IQSEC3: variants seen among roughly 807,000 people sequenced by gnomAD.
IQSEC3 encodes the protein IQ motif and SEC7 domain-containing protein 3.
A neutral mutation model predicts 105.4 loss-of-function variants in IQSEC3; 50 were observed. The observed-to-expected ratio is 0.47, with a 90% CI of 0.38 to 0.60. The LOEUF is 0.60. Among genes scored for constraint, IQSEC3 ranks in the 20% least tolerant of loss-of-function variants. IQSEC3 has a pLI of 0.00. For missense variants in IQSEC3, 1,415 were observed against 1,630.0 expected, an observed-to-expected ratio of 0.87 and a Z score of 2.27; for synonymous variants, 708 against 746.0, an observed-to-expected ratio of 0.95 and a Z score of 0.83.
At chr12:104,567 A>C (rs146612585) in intron 2 of IQSEC3, among the ~76,000 whole-genome samples, 15 of 151,906 alleles carry the variant, frequency 9.9e-5, no homozygotes, top group African/African-American at 3.6e-4. Context: ...TTTAAAAAAA[A>C]AAGATTTTGT....
At chr12:94,060 C>A (rs1445672129) in intron 1 of IQSEC3, among the ~76,000 whole-genome samples, 2 of 152,238 alleles carry the variant, frequency 1.3e-5, no homozygotes, top group Admixed American at 6.5e-5. Context: ...CTCAGATATT[C>A]TTTTATAGCA....
intron 1 of IQSEC3, among the ~76,000 whole-genome samples, chr12:70,434 A>G (rs1466473966): frequency 6.6e-6 from 1 of 152,276 alleles, no homozygotes; most frequent in Non-Finnish European, 1.5e-5. Flanking sequence ...GATATTATGG[A>G]AGAAAAACAT....
chr12:100,425 A>G (rs1388516968), intron 2 of IQSEC3, among the ~76,000 whole-genome samples: 1 of 152,246 alleles, frequency 6.6e-6, no homozygotes, highest in Admixed American at 6.5e-5. Flanking sequence ...CTGGAAAATA[A>G]CTGGACAGTG....
chr12:79,390 A>T (rs1184152809), intron 1 of IQSEC3, among the ~76,000 whole-genome samples: 9 of 152,132 alleles, frequency 5.9e-5, no homozygotes, highest in African/African-American at 2.2e-4. Context: ...GTGGCTTTTA[A>T]CATACACACA....
chr12:79,157 G>A (rs1260122802), intron 1 of IQSEC3, among the ~76,000 whole-genome samples: 23 of 152,112 alleles, frequency 1.5e-4, no homozygotes, highest in Admixed American at 4.6e-4. Context: ...AGAACACAGA[G>A]GGAGCTGGGA....
At chr12:124,629 T>C (rs369631762) in intron 2 of IQSEC3, among the ~76,000 whole-genome samples, 1 of 152,132 alleles carries the variant, frequency 6.6e-6, no homozygotes, top group African/African-American at 2.4e-5. Flanking sequence ...ACGATGACTC[T>C]CCTCCTCTGG....
At chr12:131,157 C>A (rs1555085007) in intron 3 of IQSEC3, among the ~76,000 whole-genome samples, 2 of 152,132 alleles carry the variant, frequency 1.3e-5, no homozygotes, top group Non-Finnish European at 2.9e-5. Context: ...AAGAAGGGGG[C>A]ACGTTCTAAT....
chr12:116,978 T>G (rs1046592282), intron 2 of IQSEC3, among the ~76,000 whole-genome samples: 3 of 152,236 alleles, frequency 2.0e-5, no homozygotes, highest in African/African-American at 7.2e-5. Flanking sequence ...GATATTTTTC[T>G]GTATGTTTCA....
At chr12:144,871 C>G (rs1866197404) in intron 5 of IQSEC3, among the ~76,000 whole-genome samples, 1 of 152,266 alleles carries the variant, frequency 6.6e-6, no homozygotes, top group African/African-American at 2.4e-5. Flanking sequence ...GAGTCTTGCT[C>G]TGTTGCCTGG....
intron 1 of IQSEC3, among the ~76,000 whole-genome samples, chr12:97,111 A>T (rs782646082): frequency 2.0e-5 from 3 of 152,240 alleles, no homozygotes; most frequent in Non-Finnish European, 4.4e-5. Flanking sequence ...TTTGTGAGGC[A>T]GAATAGCACA....
chr12:159,134 C>T (rs1555095422), intron 7 of IQSEC3, among the ~76,000 whole-genome samples: 1 of 152,236 alleles, frequency 6.6e-6, no homozygotes, highest in Non-Finnish European at 1.5e-5. Context: ...ATGATTGCAA[C>T]TCCCTTCATC....
Position 174,855 on chromosome 12 carries a change from C to T in IQSEC3, c.3371C>T (p.Ser1124Leu), listed in dbSNP as rs373610753. The T allele has an allele frequency of 3.5e-5, 55 of 1,579,352 alleles. No homozygotes were observed. Among genetic ancestry groups the T allele is most frequent in the South Asian group, 1.3e-4 (11 of 87,434 alleles). The change falls in exon 14 of 14, where the codon TCG becomes TTG. Residue 1124 changes from serine to leucine, a missense_variant. By Grantham distance (145) the Ser-to-Leu change is moderately radical. This residue lies in a region of IQSEC3 where 419 missense variants were observed against 436.2 expected (regional missense o/e 0.96). Transcript: ENST00000538872. ...CAGGCTCTCTCCTGCTACACCTCGTCGTCCTCTGACTCCTGCGGCTCCACA... is the reference window on the plus strand; with the variant it reads ...CAGGCTCTCTCCTGCTACACCTCGTTGTCCTCTGACTCCTGCGGCTCCACA... ...LSQALSCYTS[S>L]SSDSCGSTPL...
At chr12:97,012 A>T (rs1212613475) in intron 1 of IQSEC3, among the ~76,000 whole-genome samples, 1 of 152,248 alleles carries the variant, frequency 6.6e-6, no homozygotes, top group Non-Finnish European at 1.5e-5. Flanking sequence ...GATGGATGAG[A>T]AATGGCATCT....
intron 1 of IQSEC3, among the ~76,000 whole-genome samples, chr12:75,145 A>T (rs1197512116): frequency 1.3e-5 from 2 of 152,286 alleles, no homozygotes; most frequent in Non-Finnish European, 2.9e-5. Flanking sequence ...CAACACATTT[A>T]TTCTTATTAG....
At chr12:134,721 T>A (rs559440618) in intron 3 of IQSEC3, among the ~76,000 whole-genome samples, 1 of 128,912 alleles carries the variant, frequency 7.8e-6, no homozygotes, top group South Asian at 2.5e-4. Context: ...ATAGCAAAAC[T>A]CTGTCTCTAC....
At chr12:157,789 GATGGTC>G in intron 7 of IQSEC3, 95 bp downstream of exon 7, 1 of 1,359,570 alleles carries the variant, frequency 7.4e-7, no homozygotes, top group Non-Finnish European at 1.0e-6. Flanking sequence ...CCCTATCACA[GATGGTC>G]ACCTGCTGTC....
chr12:170,945 C>T (rs546740729), intron 12 of IQSEC3, among the ~76,000 whole-genome samples, 167 bp from the exon 13 acceptor site: 2 of 152,336 alleles, frequency 1.3e-5, no homozygotes, highest in South Asian at 2.1e-4. Context: ...GCATCTCGCC[C>T]AGGTCACATA....
intron 5 of IQSEC3, among the ~76,000 whole-genome samples, chr12:145,289 A>G (rs1253715430): frequency 9.2e-5 from 14 of 152,122 alleles, no homozygotes; most frequent in Admixed American, 9.2e-4. Context: ...TTCTTTTTCT[A>G]TTAGAGACAG....
At chr12:134,289 G>A (rs1865687766) in intron 3 of IQSEC3, among the ~76,000 whole-genome samples, 1 of 152,244 alleles carries the variant, frequency 6.6e-6, no homozygotes, top group South Asian at 2.1e-4. Flanking sequence ...CTGCCCTCGT[G>A]GGACTTGATG....
Sources: allele counts gnomAD v4.1 joint callset (sites outside exome capture counted in the v4.1 genomes callset), GRCh38; gene constraint gnomAD v4.1.1; regional missense constraint gnomAD v4.1.1; transcripts MANE v1.5; gene names NCBI Gene and HGNC (gene_info 2026-07-23, HGNC 2026-07-21).